Variants in SEC14L6 observed in about 807,000 individuals in gnomAD.
The protein encoded by SEC14L6 is SEC14-like protein 6.
A neutral mutation model predicts 54.1 loss-of-function variants in SEC14L6; 40 were observed. The observed-to-expected ratio is 0.74, with a 90% CI of 0.57 to 0.96. The LOEUF is 0.96. SEC14L6 is among the 40% of genes least tolerant of loss of function. SEC14L6 has a pLI of 0.00. For missense variants in SEC14L6, 471 were observed against 498.3 expected, an observed-to-expected ratio of 0.95 and a Z score of 0.52; for synonymous variants, 171 against 198.4, an observed-to-expected ratio of 0.86 and a Z score of 1.16.
At chr22:30,531,513 T>C (rs1260022725) in intron 6 of SEC14L6, among the ~76,000 whole-genome samples, 3 of 151,588 alleles carry the variant, frequency 2.0e-5, no homozygotes, top group Non-Finnish European at 2.9e-5. Context: ...TCACCTGAGG[T>C]TGGGAGTTCG....
rs534308216 is a variant in SEC14L6 at position 30,531,005 on chromosome 22, G to A, written c.519+898C>T. 3.9e-5 allele frequency among the ~76,000 whole-genome samples: 6 copies of A among 152,304 alleles called. No individual in the cohort carries two copies. In the South Asian group the frequency reaches 6.2e-4, roughly 16 times the overall value. On this transcript the variant is annotated intron_variant, in intron 6 of 11. Transcript: ENST00000402034. The stretch of plus-strand genomic sequence containing the variant: ...AGGGACATTGGCAGGTCAGGGAATC[G>A]GGCCCTGTTGTGACCTGCTGAACAT...
chr22:30,542,501 A>G lies in SEC14L6; in HGVS notation c.55-3599T>C, dbSNP rs1025692136. On this transcript the variant is annotated intron_variant, in intron 1 of 11. Transcript: ENST00000402034. The stretch of plus-strand genomic sequence containing the variant: ...CAAGTTTGCGCAAAGTGGAGCGGGG[A>G]CCCGGCCTCTGGGCAGCCCCGGCGG... 3.1e-4 allele frequency: 209 copies of G among 669,146 alleles called. 1 individual carries two copies. The African/African-American group carries it at 3.3e-3, about 10-fold the overall frequency. 41.5% of individuals were successfully genotyped at this position (669,146 alleles called of 1,614,324 possible). A position where few individuals can be genotyped will look rare whatever the true frequency, so the allele number is the denominator to read the frequency against.
At chr22:30,531,160 C>A (rs1298621577) in intron 6 of SEC14L6, among the ~76,000 whole-genome samples, 1 of 152,154 alleles carries the variant, frequency 6.6e-6, no homozygotes, top group African/African-American at 2.4e-5. Context: ...ATAATCCCAG[C>A]ACTTTGGGAG....
chr22:30,537,191 A>C (rs2085615252), intron 2 of SEC14L6, among the ~76,000 whole-genome samples: 2 of 152,130 alleles, frequency 1.3e-5, no homozygotes, highest in Admixed American at 6.6e-5. Context: ...TGCTAAACAA[A>C]AATCATAGGA....
chr22:30,543,991 A>G (rs1338112167), intron 1 of SEC14L6: 2 of 1,601,102 alleles, frequency 1.2e-6, no homozygotes, highest in Middle Eastern at 1.7e-4. Context: ...TGACCTGGAC[A>G]TGGTGCACCT....
intron 8 of SEC14L6, 48 bp from the exon 9 acceptor site, chr22:30,525,980 C>T (rs1446027960): frequency 2.9e-5 from 45 of 1,552,334 alleles, no homozygotes; most frequent in African/African-American, 4.1e-5. Context: ...GGAGACTCAA[C>T]AGAGGGCAGA....
intron 8 of SEC14L6, among the ~76,000 whole-genome samples, chr22:30,528,684 A>G (rs1936862488): frequency 6.6e-6 from 1 of 151,972 alleles, no homozygotes; most frequent in Admixed American, 6.6e-5. Flanking sequence ...TCGGCCTCCC[A>G]AAGTGCTGGG....
chr22:30,540,794 A>G (rs4820865), intron 1 of SEC14L6, among the ~76,000 whole-genome samples: 113,863 of 151,200 alleles, frequency 0.75, 43,172 homozygotes, highest in Middle Eastern at 0.82. Flanking sequence ...CAAGGCGGGC[A>G]GATCACTTGA....
intron 1 of SEC14L6, among the ~76,000 whole-genome samples, chr22:30,545,752 A>G (rs1461129374): frequency 6.6e-6 from 1 of 152,236 alleles, no homozygotes; most frequent in African/African-American, 2.4e-5. Flanking sequence ...ATTAGATTAT[A>G]TATTGAAGTT....
chr22:30,524,893 A>C lies in SEC14L6; in HGVS notation c.*104T>G. The stretch of plus-strand genomic sequence containing the variant: ...CATAGGCTGTGACCTGCTGTTGTAG[A>C]ATCCCTGTTCCTGAGAGGTTGAACA... On this transcript the variant is annotated 3_prime_UTR_variant, in exon 12 of 12. Coordinates refer to ENST00000402034, the MANE Select transcript of SEC14L6 (RefSeq NM_001193336.4). 1.5e-6 allele frequency: 1 copy of C among 688,668 alleles called. No individual in the cohort carries two copies. Among genetic ancestry groups the C allele is most frequent in the Non-Finnish European group, 2.7e-6 (1 of 376,480 alleles). The allele number at this position is 688,668 out of a possible 1,614,324, so 42.7% of individuals were successfully genotyped here. A position where few individuals can be genotyped will look rare whatever the true frequency, so the allele number is the denominator to read the frequency against.
Position 30,532,516 on chromosome 22 carries a change from C to A in SEC14L6, c.423+9G>T, listed in dbSNP as rs893008357. ...CCGGCTGCAGCTGCCCAGGGTGGCA[C>A]CCACACACCTTCTGACTCTGCAGCT... On this transcript the variant is annotated intron_variant, in intron 5 of 11. Transcript: ENST00000402034. 6.5e-7 allele frequency: 1 copy of A among 1,544,010 alleles called. No homozygotes were observed. Among genetic ancestry groups the A allele is most frequent in the South Asian group, 1.2e-5 (1 of 83,140 alleles).
In SEC14L6 at chr22:30,534,055, GGGTTAT is replaced by G; in HGVS notation, c.131-22_131-17del. On this transcript the variant is annotated splice_polypyrimidine_tract_variant and intron_variant, in intron 2 of 11. Coordinates refer to ENST00000402034, the MANE Select transcript of SEC14L6 (RefSeq NM_001193336.4). ...AAGCTCCGAGCTGCAACAAGAGACA[GGGTTAT>G]GGTTGTGGAATTCTAGAGGCTCACT... 6.4e-7 allele frequency: 1 copy of G among 1,550,806 alleles called. No individual in the cohort carries two copies. Among genetic ancestry groups the G allele is most frequent in the Non-Finnish European group, 8.7e-7 (1 of 1,146,942 alleles).
chr22:30,526,940 A>T (rs925530878), intron 8 of SEC14L6, among the ~76,000 whole-genome samples: 1 of 152,020 alleles, frequency 6.6e-6, no homozygotes, highest in African/African-American at 2.4e-5. Context: ...TACAAAAAAT[A>T]ACAATAAATG....
At position 30,533,977 on chromosome 22, in the gene SEC14L6, G is replaced by T. The variant is rs759304330; in HGVS notation, c.174+19C>A. On this transcript the variant is annotated intron_variant, in intron 3 of 11. Coordinates refer to ENST00000402034, the MANE Select transcript of SEC14L6 (RefSeq NM_001193336.4). ...TAGGAAACAGGACCAGGCTAGGCAG[G>T]GGGAGGTGTCAACCTCACCTTCCTC... 6.5e-7 allele frequency: 1 copy of T among 1,549,596 alleles called. No individual in the cohort carries two copies. The highest frequency in any genetic ancestry group is 2.4e-5 in the East Asian group (1 of 40,912).
rs1030759714 is a variant in SEC14L6, at chr22:30,529,337, G to A, written c.532C>T (p.Leu178Phe). Reference protein sequence around the residue: ...IELLQEFFSALEANYPEILKS... With the variant: ...IELLQEFFSAFEANYPEILKS... ...AAGATCTCAGGGTAATTTGCTTCAA[G>A]TGCTGAGAAAAACTGCGGAACCAAG... is the stretch of plus-strand genomic sequence containing the variant. Residue 178 changes from leucine to phenylalanine, a missense_variant, in exon 7 of 12, where the codon CTT (leucine) becomes TTT (phenylalanine). Leu to Phe is a conservative substitution (Grantham distance 22, BLOSUM62 0). Transcript: ENST00000402034. 45 of 1,550,392 alleles carry A rather than the reference G, an allele frequency of 2.9e-5. No homozygotes were observed. The highest frequency in any genetic ancestry group is 7.8e-5 in the Admixed American group (4 of 50,972).
Position 30,525,039 on chromosome 22 carries a change from C to T in SEC14L6, c.1152G>A (p.Leu384=), listed in dbSNP as rs1334153314. 1 of 1,549,500 alleles carries T rather than the reference C, an allele frequency of 6.5e-7. No homozygotes were observed. The highest frequency in any genetic ancestry group is 8.7e-7 in the Non-Finnish European group (1 of 1,145,996). The change falls in exon 12 of 12, where the codon CTG becomes CTA. Residue 384 remains leucine, a synonymous_variant. Transcript: ENST00000402034. The part of the protein sequence containing the change: ...SKRISYTVEV[L]LPDQTFMEKM... ...TCTCCATGAAGGTTTGGTCTGGGAG[C>T]AGTACCTCCACGGTGTAGCTGATGC...
intron 6 of SEC14L6, among the ~76,000 whole-genome samples, chr22:30,530,102 G>T (rs951581985): frequency 5.3e-5 from 8 of 151,886 alleles, no homozygotes; most frequent in African/African-American, 9.7e-5. Flanking sequence ...ATAGGGAATG[G>T]TTTTTTTTAA....
rs1233702564 is a variant in SEC14L6, at chr22:30,531,779, T to A, written c.519+124A>T. 3 of 657,800 alleles carry A rather than the reference T, an allele frequency of 4.6e-6. No individual in the cohort carries two copies. The African/African-American group carries it at 5.5e-5, about 12-fold the overall frequency. The allele number at this position is 657,800 out of a possible 1,614,324, so 40.7% of individuals were successfully genotyped here. ...CTGTGCAGCTCTTGTGGGCAGTACC[T>A]GTGGGCGGGTACTCACCTGGCAGTG... On this transcript the variant is annotated intron_variant, in intron 6 of 11. Coordinates refer to ENST00000402034, the MANE Select transcript of SEC14L6 (RefSeq NM_001193336.4).
chr22:30,540,910 T>A (rs894283827), intron 1 of SEC14L6, among the ~76,000 whole-genome samples: 3 of 151,358 alleles, frequency 2.0e-5, no homozygotes, highest in African/African-American at 7.3e-5. Context: ...TCAAAGCTAC[T>A]CAGGAGGCTG....
Sources: gnomAD v4.1 joint callset for allele counts (sites outside exome capture counted in the v4.1 genomes callset) on GRCh38, gnomAD v4.1.1 for gene constraint, MANE v1.5 for transcripts, NCBI Gene and HGNC (gene_info 2026-07-23, HGNC 2026-07-21) for gene names.